CACNA2D3: variants seen among roughly 807,000 people sequenced by gnomAD.
CACNA2D3 encodes calcium voltage-gated channel auxiliary subunit alpha2delta 3.
CACNA2D3 carries 60 observed loss-of-function variants against 160.6 expected under a neutral mutation model. The observed-to-expected ratio is 0.37, with a 90% CI of 0.30 to 0.46. The LOEUF is 0.46. Ranked by LOEUF, CACNA2D3 falls within the 20% of genes least tolerant of loss-of-function variation. The pLI, the probability that CACNA2D3 is intolerant of heterozygous loss-of-function variation, is 1.00. For missense variants in CACNA2D3, 1,205 were observed against 1,365.0 expected (o/e 0.88, Z 1.85); for synonymous variants, 558 against 492.9 (o/e 1.13, Z -1.75).
At chr3:54,321,177 G>A (rs906785269) in intron 3 of CACNA2D3, among the ~76,000 whole-genome samples, 1 of 152,024 alleles carries the variant, frequency 6.6e-6, no homozygotes, top group Admixed American at 6.6e-5. Context: ...AAAATTAGCC[G>A]GGTGTGTTGG....
At chr3:54,461,255 T>C (rs1001453235) in intron 4 of CACNA2D3, among the ~76,000 whole-genome samples, 3 of 151,784 alleles carry the variant, frequency 2.0e-5, no homozygotes, top group African/African-American at 7.3e-5. Context: ...GTTGTGTCTC[T>C]GCCCAGCTTT....
intron 11 of CACNA2D3, among the ~76,000 whole-genome samples, chr3:54,727,543 G>C (rs1170426436): frequency 6.6e-6 from 1 of 152,200 alleles, no homozygotes; most frequent in Non-Finnish European, 1.5e-5. Context: ...TAAAGAAAAT[G>C]TGGCACATAT....
chr3:54,764,122 A>C (rs1379273827), intron 12 of CACNA2D3, 96 bp from the exon 13 acceptor site: 1 of 1,351,146 alleles, frequency 7.4e-7, no homozygotes, highest in Non-Finnish European at 1.0e-6. Context: ...AAAGAAGGAA[A>C]CTAGCTAGAG....
intron 11 of CACNA2D3, among the ~76,000 whole-genome samples, chr3:54,742,380 T>C (rs1459183568): frequency 1.3e-5 from 2 of 152,090 alleles, no homozygotes; most frequent in Non-Finnish European, 2.9e-5. Context: ...ATCGAGCCAC[T>C]GCACTCCATC....
At chr3:54,564,489 G>A (rs545395749) in intron 6 of CACNA2D3, among the ~76,000 whole-genome samples, 2 of 152,144 alleles carry the variant, frequency 1.3e-5, no homozygotes, top group Non-Finnish European at 2.9e-5. Context: ...ATGTCATGTG[G>A]CCACTCAACT....
chr3:54,581,999 C>T (rs1702686082), intron 9 of CACNA2D3, 122 bp downstream of exon 9: 1 of 685,990 alleles, frequency 1.5e-6, no homozygotes, highest in Middle Eastern at 3.0e-4. Flanking sequence ...CTTGGAGCCC[C>T]CATGTGTAGA....
intron 23 of CACNA2D3, among the ~76,000 whole-genome samples, chr3:54,886,444 A>G (rs1699927656): frequency 6.6e-6 from 1 of 152,216 alleles, no homozygotes; most frequent in Non-Finnish European, 1.5e-5. Context: ...TATAGAGACA[A>G]TATGAATAAT....
rs1175540649 is a variant in CACNA2D3 at position 54,822,786 on chromosome 3, C to CTT, written c.1398+5918_1398+5919dup. ...TCTTTCTTTCTTTCTTTCTTTCTTT[C>CTT]TTTCCTTTCTTTCTTTCTTTCTTTC... On this transcript the variant is annotated intron_variant, in intron 14 of 37. Transcript: ENST00000474759. Among the ~76,000 whole-genome samples, 25 of 71,758 alleles carry CTT rather than the reference C, an allele frequency of 3.5e-4. 1 individual carries two copies. Among genetic ancestry groups the CTT allele is most frequent in the African/African-American group, 1.2e-3 (20 of 16,986 alleles). 47.1% of individuals were successfully genotyped at this position (71,758 alleles called of 152,430 possible). A position where few individuals can be genotyped will look rare whatever the true frequency, so the allele number is the denominator to read the frequency against.
At chr3:54,918,978 T>C (rs2106925030) in intron 27 of CACNA2D3, 2 of 1,113,836 alleles carry the variant, frequency 1.8e-6, no homozygotes, top group South Asian at 5.2e-5. Flanking sequence ...CTTAGGCAGA[T>C]GGAATTTATG....
At chr3:54,812,258 C>G (rs1240298738) in intron 13 of CACNA2D3, among the ~76,000 whole-genome samples, 1 of 152,120 alleles carries the variant, frequency 6.6e-6, no homozygotes, top group Admixed American at 6.5e-5. Context: ...CTAAGCTTGG[C>G]TAAAATTAGG....
At chr3:54,984,792 G>A in intron 30 of CACNA2D3, 122 bp downstream of exon 30, 2 of 669,294 alleles carry the variant, frequency 3.0e-6, no homozygotes, top group Non-Finnish European at 5.2e-6. Context: ...AATAGCAGGA[G>A]ATTATAAAAC....
intron 6 of CACNA2D3, among the ~76,000 whole-genome samples, chr3:54,565,269 A>G (rs1559514031): frequency 6.6e-6 from 1 of 152,210 alleles, no homozygotes; most frequent in African/African-American, 2.4e-5. Context: ...ACAGGCAAAC[A>G]TCATCATGGT....
At chr3:54,336,807 T>C (rs1318889683) in intron 3 of CACNA2D3, among the ~76,000 whole-genome samples, 1 of 152,118 alleles carries the variant, frequency 6.6e-6, no homozygotes, top group Non-Finnish European at 1.5e-5. Context: ...AAACAATGCA[T>C]AAGAAATAGC....
At chr3:54,836,355 C>T (rs1698687293) in intron 14 of CACNA2D3, among the ~76,000 whole-genome samples, 1 of 151,950 alleles carries the variant, frequency 6.6e-6, no homozygotes, top group South Asian at 2.1e-4. Context: ...CTGCCTCAGC[C>T]TCCCGAGTAG....
rs1324927415 is a variant in CACNA2D3, at chr3:54,399,963, G to A, written c.381+13189G>A. Among the ~76,000 whole-genome samples the A allele has an allele frequency of 1.8e-4, 21 of 117,792 alleles. 2 individuals carry two copies. The highest frequency in any genetic ancestry group is 3.6e-4 in the Non-Finnish European group (20 of 56,078). 77.3% of individuals were successfully genotyped at this position (117,792 alleles called of 152,430 possible). ...TAGCAATCAGCGAGATTCCGTGGGCGTAGGACCCTCTGAGCCAGGTGTGGG... is the reference window on the plus strand; with the variant it reads ...TAGCAATCAGCGAGATTCCGTGGGCATAGGACCCTCTGAGCCAGGTGTGGG... On this transcript the variant is annotated intron_variant, in intron 4 of 37. Coordinates refer to ENST00000474759, the MANE Select transcript of CACNA2D3 (RefSeq NM_018398.3).
chr3:54,558,492 A>T lies in CACNA2D3; in HGVS notation c.545-4308A>T, dbSNP rs548799822. ...GTTATGTGGGTAAATTGCATGTCAC[A>T]TGTGTACAGATTATTTTATCACCCA... On this transcript the variant is annotated intron_variant, in intron 5 of 37. Transcript: ENST00000474759. Among the ~76,000 whole-genome samples, 3 of 151,984 alleles carry T rather than the reference A, an allele frequency of 2.0e-5. No homozygotes were observed. In the South Asian group the frequency reaches 6.2e-4, roughly 32 times the overall value.
At chr3:54,777,457 C>G (rs558648970) in intron 13 of CACNA2D3, among the ~76,000 whole-genome samples, 1 of 152,318 alleles carries the variant, frequency 6.6e-6, no homozygotes, top group East Asian at 1.9e-4. Flanking sequence ...AGAAATTTCT[C>G]TCTTGTTCTG....
chr3:54,780,881 T>G lies in CACNA2D3; in HGVS notation c.1380+16530T>G, dbSNP rs548481315. Reference sequence around the variant, plus strand: ...CCATCATAGCACTTGACAATCTGCTTCTTATTTGGCTTTCTGGTATGTAAA... The same window carrying G: ...CCATCATAGCACTTGACAATCTGCTGCTTATTTGGCTTTCTGGTATGTAAA... On this transcript the variant is annotated intron_variant, in intron 13 of 37. Coordinates refer to ENST00000474759, the MANE Select transcript of CACNA2D3 (RefSeq NM_018398.3). Among the ~76,000 whole-genome samples, 6 of 152,346 alleles carry G rather than the reference T, an allele frequency of 3.9e-5. No homozygotes were observed. The South Asian group carries it at 1.2e-3, about 32-fold the overall frequency.
intron 5 of CACNA2D3, among the ~76,000 whole-genome samples, chr3:54,543,503 A>G (rs1702015359): frequency 6.6e-6 from 1 of 152,216 alleles, no homozygotes; most frequent in Non-Finnish European, 1.5e-5. Context: ...TGGCCCTCCA[A>G]AAAGAGCTGT....
Sources: gnomAD v4.1 joint callset for allele counts (sites outside exome capture counted in the v4.1 genomes callset) on GRCh38, gnomAD v4.1.1 for gene constraint, MANE v1.5 for transcripts, NCBI Gene and HGNC (gene_info 2026-07-23, HGNC 2026-07-21) for gene names.